ITPRID1: variants seen among roughly 807,000 people sequenced by gnomAD.
ITPRID1 encodes ITPR interacting domain containing 1, also known as protein ITPRID1.
ITPRID1 carries 96 observed loss-of-function variants against 95.4 expected under a neutral mutation model. The ratio of observed to expected loss-of-function variants is 1.01; its 90% CI spans 0.85 to 1.19. The LOEUF (loss-of-function observed/expected upper bound fraction) is 1.19. ITPRID1 is among the 50% of genes most tolerant of loss of function. The pLI is 0.00. For synonymous variants in ITPRID1, 510 were observed against 453.6 expected (o/e 1.12, Z -1.58); for missense variants, 1,339 against 1,252.9 (o/e 1.07, Z -1.04).
chr7:31,521,378 A>G (rs1783244316), intron 1 of ITPRID1, among the ~76,000 whole-genome samples: 1 of 152,142 alleles, frequency 6.6e-6, no homozygotes, highest in African/African-American at 2.4e-5. Flanking sequence ...GATTTTCTAG[A>G]TATTTTTCAA....
chr7:31,568,197 C>T (rs1784866517), intron 5 of ITPRID1, among the ~76,000 whole-genome samples: 2 of 151,702 alleles, frequency 1.3e-5, no homozygotes, highest in South Asian at 2.1e-4. Flanking sequence ...GACCAGTCTT[C>T]TTTTTCCATT....
chr7:31,531,544 G>T (rs1731609762), intron 1 of ITPRID1, among the ~76,000 whole-genome samples: 1 of 152,144 alleles, frequency 6.6e-6, no homozygotes, highest in African/African-American at 2.4e-5. Context: ...ATTAGGTTTG[G>T]CTGTGTCAGT....
At chr7:31,593,996 T>C (rs1266425010) in intron 10 of ITPRID1, among the ~76,000 whole-genome samples, 1 of 152,222 alleles carries the variant, frequency 6.6e-6, no homozygotes, top group African/African-American at 2.4e-5. Flanking sequence ...AAAAAGAGTA[T>C]ATCCATGGTT....
At chr7:31,622,092 C>G (rs575547438) in intron 10 of ITPRID1, among the ~76,000 whole-genome samples, 1,664 of 139,086 alleles carry the variant, frequency 0.012, 40 homozygotes, top group African/African-American at 0.042. Context: ...CAGGAGCACC[C>G]AGATTCATAA....
chr7:31,644,355 A>T (rs533019387), intron 12 of ITPRID1, among the ~76,000 whole-genome samples: 1 of 152,328 alleles, frequency 6.6e-6, no homozygotes, highest in Non-Finnish European at 1.5e-5. Context: ...CTTTTTGTAA[A>T]ATAGGGAGAC....
chr7:31,630,244 C>CAAAAA (rs71557496), intron 10 of ITPRID1, among the ~76,000 whole-genome samples: 14 of 103,656 alleles, frequency 1.4e-4, no homozygotes, highest in Admixed American at 2.3e-4. Flanking sequence ...GTCTACTTGG[C>CAAAAA]AAAAAAAAAA....
intron 10 of ITPRID1, among the ~76,000 whole-genome samples, chr7:31,601,825 C>T (rs1260719290): frequency 3.9e-5 from 6 of 152,268 alleles, no homozygotes; most frequent in Non-Finnish European, 1.5e-5. Flanking sequence ...ATAACCAACA[C>T]GAAGGGAACT....
intron 10 of ITPRID1, among the ~76,000 whole-genome samples, chr7:31,624,767 C>G (rs1036019939): frequency 6.6e-6 from 1 of 151,892 alleles, no homozygotes; most frequent in African/African-American, 2.4e-5. Context: ...CCAAAAGTGA[C>G]AAATGGGATC....
downstream of ITPRID1, chr7:31,658,299 CTTT>C (rs35589779): frequency 7.2e-7 from 1 of 1,388,380 alleles, no homozygotes. Context: ...AGCTGGATCC[CTTT>C]TTTTTTTCTT....
chr7:31,584,545 A>C (rs1785518757), intron 10 of ITPRID1, among the ~76,000 whole-genome samples: 1 of 152,104 alleles, frequency 6.6e-6, no homozygotes, highest in African/African-American at 2.4e-5. Context: ...CCAAAAAATT[A>C]TTTGGGAAGT....
In ITPRID1 at chr7:31,656,406, C is replaced by T. The variant is rs1258947664; in HGVS notation, c.*3577C>T. 6.1e-6 allele frequency: 3 copies of T among 491,300 alleles called. No individual in the cohort carries two copies. Among genetic ancestry groups the T allele is most frequent in the African/African-American group, 2.1e-5 (1 of 47,474 alleles). 30.4% of individuals were successfully genotyped at this position (491,300 alleles called of 1,614,324 possible). A position where few individuals can be genotyped will look rare whatever the true frequency, so the allele number is the denominator to read the frequency against. On this transcript the variant is annotated 3_prime_UTR_variant, in exon 15 of 15. Coordinates refer to ENST00000615280, the MANE Select transcript of ITPRID1 (RefSeq NM_001257967.3). ...CAGAATAAATACCATGAATCCTGTG[C>T]AGTGTTTAATCCAATGTCCATCACG...
chr7:31,583,273 C>A, intron 10 of ITPRID1, 82 bp downstream of exon 10: 1 of 947,428 alleles, frequency 1.1e-6, no homozygotes, highest in Non-Finnish European at 1.7e-6. Flanking sequence ...TTAATATGTA[C>A]AGAGCTTAAA....
At chr7:31,554,945 G>A in intron 5 of ITPRID1, 44 bp downstream of exon 5, 1 of 1,375,036 alleles carries the variant, frequency 7.3e-7, no homozygotes, top group Non-Finnish European at 1.0e-6. Flanking sequence ...CTGAGTAGGA[G>A]ATATATTCAA....
At chr7:31,562,506 T>TA in intron 5 of ITPRID1, among the ~76,000 whole-genome samples, 1 of 152,226 alleles carries the variant, frequency 6.6e-6, no homozygotes, top group East Asian at 1.9e-4. Context: ...ACTTATAAAA[T>TA]AAAAAATATA....
At chr7:31,614,421 TA>T (rs1280128698) in intron 10 of ITPRID1, among the ~76,000 whole-genome samples, 1 of 152,136 alleles carries the variant, frequency 6.6e-6, no homozygotes, top group African/African-American at 2.4e-5. Flanking sequence ...CTTATTCTAG[TA>T]ATTAAACAAA....
chr7:31,651,578 A>T (rs1790954749), intron 13 of ITPRID1, among the ~76,000 whole-genome samples: 1 of 152,056 alleles, frequency 6.6e-6, no homozygotes, highest in African/African-American at 2.4e-5. Context: ...GAGTTTTGAA[A>T]ATCTGCATTG....
chr7:31,534,796 T>G (rs1332826556), intron 1 of ITPRID1, among the ~76,000 whole-genome samples: 1 of 152,170 alleles, frequency 6.6e-6, no homozygotes, highest in African/African-American at 2.4e-5. Context: ...CCTATTGATA[T>G]TTGTTTTCTA....
chr7:31,562,135 G>A (rs1784646837), intron 5 of ITPRID1, among the ~76,000 whole-genome samples: 1 of 146,864 alleles, frequency 6.8e-6, no homozygotes, highest in African/African-American at 2.5e-5. Flanking sequence ...TTAAACATCA[G>A]TGCTATCTGG....
chr7:31,545,745 C>T (rs963942001), intron 1 of ITPRID1, among the ~76,000 whole-genome samples: 1 of 152,026 alleles, frequency 6.6e-6, no homozygotes, highest in African/African-American at 2.4e-5. Flanking sequence ...AGGAAGCCAC[C>T]CACGGAACAA....
Sources: allele counts gnomAD v4.1 joint callset (sites outside exome capture counted in the v4.1 genomes callset), GRCh38; gene constraint gnomAD v4.1.1; transcripts MANE v1.5; gene names NCBI Gene and HGNC (gene_info 2026-07-23, HGNC 2026-07-21).